The following CDC14A variants were observed in gnomAD, a reference collection of about 807,000 sequenced individuals.
The protein encoded by CDC14A is cell division cycle 14A, also known as dual specificity protein phosphatase CDC14A.
In CDC14A, 53 loss-of-function variants were observed where a neutral mutation model predicts 74.4. The observed-to-expected ratio is 0.71, with a 90% CI of 0.57 to 0.89. The LOEUF (loss-of-function observed/expected upper bound fraction) is 0.89, where lower values mean the gene tolerates loss of function less well. Among genes scored for constraint, CDC14A ranks in the 40% least tolerant of loss-of-function variants. The pLI, the probability that CDC14A is intolerant of heterozygous loss-of-function variation, is 0.00. For missense variants in CDC14A, 646 were observed against 713.7 expected, an observed-to-expected ratio of 0.91 and a Z score of 1.08; for synonymous variants, 247 against 258.4, an observed-to-expected ratio of 0.96 and a Z score of 0.43.
intron 8 of CDC14A, among the ~76,000 whole-genome samples, chr1:100,459,437 G>C (rs1237694413): frequency 6.6e-6 from 1 of 152,202 alleles, no homozygotes; most frequent in Non-Finnish European, 1.5e-5. Context: ...TTATTAGATA[G>C]CAGGTATTAT....
intron 2 of CDC14A, among the ~76,000 whole-genome samples, chr1:100,357,663 A>C (rs1652106591): frequency 6.6e-6 from 1 of 151,098 alleles, no homozygotes; most frequent in Admixed American, 6.6e-5. Flanking sequence ...CTTGAGGCTG[A>C]GGCGACAGGA....
chr1:100,393,963 AT>A (rs1305774441), intron 4 of CDC14A: 640 of 143,754 alleles, frequency 4.5e-3, no homozygotes, highest in Non-Finnish European at 6.3e-3. Context: ...GCAAAAAAAA[AT>A]ATATATATAT....
At chr1:100,471,945 A>G (rs141906859) in intron 10 of CDC14A, among the ~76,000 whole-genome samples, 4 of 152,274 alleles carry the variant, frequency 2.6e-5, no homozygotes, top group Non-Finnish European at 5.9e-5. Flanking sequence ...AAGATATCTT[A>G]AGTGGTACAT....
chr1:100,455,407 A>G lies in CDC14A; in HGVS notation c.522A>G (p.Arg174=), dbSNP rs532052485. The G allele has an allele frequency of 6.9e-6, 11 of 1,596,514 alleles. No individual in the cohort carries two copies. Among genetic ancestry groups the G allele is most frequent in the African/African-American group, 1.3e-5 (1 of 74,394 alleles). Residue 174 remains arginine, a splice_region_variant and synonymous_variant, in exon 8 of 16, where the codon CGA becomes CGG. Transcript: ENST00000336454. Reference sequence around the variant, plus strand: ...CTTTTCTTACAAAATTCTGCCAGCGAGTTGAAAATGGTGACTTCAACTGGA... The same window carrying G: ...CTTTTCTTACAAAATTCTGCCAGCGGGTTGAAAATGGTGACTTCAACTGGA... ...FDVDEYEHYE[R]VENGDFNWIV...
chr1:100,493,712 G>C (rs1647343190), intron 11 of CDC14A, among the ~76,000 whole-genome samples: 1 of 152,164 alleles, frequency 6.6e-6, no homozygotes, highest in African/African-American at 2.4e-5. Context: ...CCTCTAGGAA[G>C]CTTTTGTCCT....
rs1433038695 is a variant in CDC14A, at chr1:100,515,226, T to C, written c.1756-3025T>C. 5.9e-5 allele frequency among the ~76,000 whole-genome samples: 9 copies of C among 152,142 alleles called. No homozygotes were observed. The East Asian group carries it at 1.7e-3, about 29-fold the overall frequency. On this transcript the variant is annotated intron_variant, in intron 15 of 15. Coordinates refer to ENST00000336454, the MANE Select transcript of CDC14A (RefSeq NM_003672.4). ...CAGAGAGACCGTCAGCACAACCCCG[T>C]AGGATAACCATGTGATACCTGAAGT...
chr1:100,484,991 G>C, intron 11 of CDC14A: 1 of 981,716 alleles, frequency 1.0e-6, no homozygotes, highest in South Asian at 4.7e-5. Context: ...TATTTTATAG[G>C]AAGGAAATTG....
intron 7 of CDC14A, among the ~76,000 whole-genome samples, chr1:100,453,081 AAATCTTTTTGTTT>A (rs1448252762): frequency 6.6e-6 from 1 of 152,154 alleles, no homozygotes; most frequent in Non-Finnish European, 1.5e-5. Flanking sequence ...TCTAAGACCT[AAATCTTTTTGTTT>A]ATTCCATCAG....
intron 4 of CDC14A, among the ~76,000 whole-genome samples, chr1:100,420,063 C>CACACACACACACACACATATATAT: frequency 3.2e-5 from 2 of 61,566 alleles, no homozygotes; most frequent in African/African-American, 8.0e-5. Flanking sequence ...CACACACACA[C>CACACACACACACACACATATATAT]ATATATATAT....
At chr1:100,469,218 A>T (rs1250537764) in intron 10 of CDC14A, among the ~76,000 whole-genome samples, 1 of 152,236 alleles carries the variant, frequency 6.6e-6, no homozygotes, top group Non-Finnish European at 1.5e-5. Flanking sequence ...AACTCTTAGC[A>T]TCTGAAATGA....
chr1:100,412,710 A>ATATATATATATATATTT (rs1660911802), intron 4 of CDC14A, among the ~76,000 whole-genome samples: 1 of 96,048 alleles, frequency 1.0e-5, no homozygotes, highest in Non-Finnish European at 1.8e-5. Context: ...ATATATATAT[A>ATATATATATATATATTT]TATATATATA....
intron 4 of CDC14A, among the ~76,000 whole-genome samples, chr1:100,409,684 A>G (rs1018735935): frequency 3.3e-5 from 5 of 152,214 alleles, no homozygotes; most frequent in Admixed American, 2.6e-4. Flanking sequence ...TTGATTCCAT[A>G]TCTCACATCC....
intron 2 of CDC14A, among the ~76,000 whole-genome samples, chr1:100,373,242 G>A (rs1654732869): frequency 1.3e-5 from 2 of 152,146 alleles, no homozygotes; most frequent in African/African-American, 4.8e-5. Flanking sequence ...GTGTCTCAGG[G>A]AATAGGGAGG....
At chr1:100,483,497 A>G (rs899000972) in intron 10 of CDC14A, among the ~76,000 whole-genome samples, 1 of 152,140 alleles carries the variant, frequency 6.6e-6, no homozygotes, top group Non-Finnish European at 1.5e-5. Flanking sequence ...GACGAACCAC[A>G]GTGTTTTTAG....
At chr1:100,352,068 T>TGAGA (rs1302634177), upstream of CDC14A, among the ~76,000 whole-genome samples, 1 of 146,760 alleles carries the variant, frequency 6.8e-6, no homozygotes, top group Admixed American at 6.8e-5. Flanking sequence ...AGAAAGAGAA[T>TGAGA]GAGAGAGAGA....
intron 2 of CDC14A, among the ~76,000 whole-genome samples, chr1:100,368,132 T>C (rs1333242200): frequency 6.6e-6 from 1 of 152,244 alleles, no homozygotes; most frequent in African/African-American, 2.4e-5. Flanking sequence ...TCGTTTATGG[T>C]ACTTGGTAAT....
intron 4 of CDC14A, among the ~76,000 whole-genome samples, chr1:100,398,113 A>G (rs1421076701): frequency 6.6e-6 from 1 of 152,190 alleles, no homozygotes; most frequent in Non-Finnish European, 1.5e-5. Context: ...TAAAATAGGC[A>G]TAATAATACC....
chr1:100,478,693 T>G (rs1465150653), intron 10 of CDC14A, among the ~76,000 whole-genome samples: 1 of 152,238 alleles, frequency 6.6e-6, no homozygotes, highest in Non-Finnish European at 1.5e-5. Flanking sequence ...TGAGGTTATC[T>G]TTATGAAGCA....
Position 100,455,497 on chromosome 1 carries a change from G to GTT in CDC14A, c.607+13_607+14dup. On this transcript the variant is annotated splice_donor_region_variant and intron_variant, in intron 8 of 15. Coordinates refer to ENST00000336454, the MANE Select transcript of CDC14A (RefSeq NM_003672.4). ...CTAAAAGCAAAATTGAGAATGGTAG[G>GTT]TTTTTTTTTCCTTTACCATCCAAAC... The GTT allele has an allele frequency of 2.6e-6, 4 of 1,516,830 alleles. No homozygotes were observed. The highest frequency in any genetic ancestry group is 3.6e-6 in the Non-Finnish European group (4 of 1,117,294). 94.0% of individuals were successfully genotyped at this position (1,516,830 alleles called of 1,614,324 possible).
Sources: allele counts gnomAD v4.1 joint callset (sites outside exome capture counted in the v4.1 genomes callset), GRCh38; gene constraint gnomAD v4.1.1; transcripts MANE v1.5; gene names NCBI Gene and HGNC (gene_info 2026-07-23, HGNC 2026-07-21).